Variants in AGBL4 observed in about 807,000 individuals in gnomAD.
The protein encoded by AGBL4 is cytosolic carboxypeptidase 6.
AGBL4 carries 58 observed loss-of-function variants against 66.4 expected under a neutral mutation model. The ratio of observed to expected loss-of-function variants is 0.87; its 90% CI spans 0.71 to 1.09. AGBL4 has a LOEUF of 1.09. Among genes scored for constraint, AGBL4 ranks in the 50% least tolerant of loss-of-function variants. AGBL4 has a pLI of 0.00. For synonymous variants in AGBL4, 234 were observed against 222.9 expected (o/e 1.05, Z -0.44); for missense variants, 579 against 631.0 (o/e 0.92, Z 0.88).
chr1:48,845,745 G>T (rs934311137), intron 6 of AGBL4, among the ~76,000 whole-genome samples: 1 of 152,104 alleles, frequency 6.6e-6, no homozygotes, highest in African/African-American at 2.4e-5. Flanking sequence ...TTCTGGAGCC[G>T]AACTGCCTGG....
At chr1:48,860,650 A>G (rs1031507667) in intron 6 of AGBL4, among the ~76,000 whole-genome samples, 1 of 152,224 alleles carries the variant, frequency 6.6e-6, no homozygotes, top group Non-Finnish European at 1.5e-5. Context: ...TGAGGAATAT[A>G]GACTCAGGAA....
chr1:49,073,495 A>C (rs1644650886), intron 4 of AGBL4, among the ~76,000 whole-genome samples: 1 of 152,030 alleles, frequency 6.6e-6, no homozygotes, highest in Non-Finnish European at 1.5e-5. Context: ...TTTCCTTCTA[A>C]CAGTCAGGCT....
intron 5 of AGBL4, among the ~76,000 whole-genome samples, chr1:48,929,894 T>C (rs991376159): frequency 6.6e-6 from 1 of 152,202 alleles, no homozygotes; most frequent in Non-Finnish European, 1.5e-5. Context: ...TTTATTATTG[T>C]AGATCACTTC....
At chr1:49,039,641 G>A (rs924035616) in intron 5 of AGBL4, among the ~76,000 whole-genome samples, 5 of 152,032 alleles carry the variant, frequency 3.3e-5, no homozygotes, top group African/African-American at 1.2e-4. Flanking sequence ...GTTATCATGT[G>A]CAAATAAATG....
intron 2 of AGBL4, among the ~76,000 whole-genome samples, chr1:49,833,800 T>C (rs1348008664): frequency 6.6e-6 from 1 of 152,164 alleles, no homozygotes; most frequent in Non-Finnish European, 1.5e-5. Context: ...TGTTTGTCTG[T>C]TATTGGTGTA....
At chr1:49,265,457 T>C (rs1408165117) in intron 3 of AGBL4, among the ~76,000 whole-genome samples, 1 of 152,192 alleles carries the variant, frequency 6.6e-6, no homozygotes, top group Non-Finnish European at 1.5e-5. Context: ...TAGATCTCTA[T>C]TTGTTCAACC....
intron 4 of AGBL4, among the ~76,000 whole-genome samples, chr1:49,122,905 G>C (rs111319710): frequency 6.6e-6 from 1 of 152,156 alleles, no homozygotes; most frequent in African/African-American, 2.4e-5. Flanking sequence ...CCAGGGTGGA[G>C]TGCAGTGGTG....
At chr1:49,995,449 G>T in intron 1 of AGBL4, 1 of 370,938 alleles carries the variant, frequency 2.7e-6, no homozygotes, top group East Asian at 7.3e-5. Context: ...CAACTCCACT[G>T]GGCTGAGAAC....
At chr1:48,603,243 AG>A (rs1271206675) in intron 9 of AGBL4, among the ~76,000 whole-genome samples, 18 of 152,264 alleles carry the variant, frequency 1.2e-4, no homozygotes, top group African/African-American at 4.3e-4. Context: ...AAGCTGAGGC[AG>A]GTGGATCATG....
chr1:49,418,197 A>G (rs1645469549), intron 3 of AGBL4, among the ~76,000 whole-genome samples: 1 of 152,140 alleles, frequency 6.6e-6, no homozygotes, highest in Non-Finnish European at 1.5e-5. Flanking sequence ...AAATCTGTCA[A>G]TATCAGGGAC....
chr1:49,493,823 T>C (rs906993743), intron 3 of AGBL4, among the ~76,000 whole-genome samples: 3 of 152,056 alleles, frequency 2.0e-5, no homozygotes, highest in African/African-American at 4.8e-5. Context: ...AATTGTTCTC[T>C]CTAGTAAGTA....
At chr1:48,539,807 T>C in intron 11 of AGBL4, 69 bp from the exon 12 acceptor site, 1 of 1,032,640 alleles carries the variant, frequency 9.7e-7, no homozygotes. Context: ...GAACTACTAA[T>C]AAAAATAATA....
At chr1:48,716,500 C>A (rs1182795044) in intron 6 of AGBL4, among the ~76,000 whole-genome samples, 3 of 152,154 alleles carry the variant, frequency 2.0e-5, no homozygotes, top group African/African-American at 7.2e-5. Flanking sequence ...TGCCCCTGCC[C>A]CCATCCATCC....
intron 4 of AGBL4, among the ~76,000 whole-genome samples, chr1:49,109,533 C>T (rs898335737): frequency 6.6e-6 from 1 of 152,138 alleles, no homozygotes; most frequent in African/African-American, 2.4e-5. Context: ...TAATACTGCC[C>T]ACCTCACAGA....
chr1:49,863,415 A>C (rs1435922154), intron 1 of AGBL4, among the ~76,000 whole-genome samples: 1 of 152,228 alleles, frequency 6.6e-6, no homozygotes, highest in Non-Finnish European at 1.5e-5. Context: ...AGACAACCAA[A>C]GCAACAATGA....
At chr1:49,944,961 G>T (rs1655081020) in intron 1 of AGBL4, among the ~76,000 whole-genome samples, 1 of 151,810 alleles carries the variant, frequency 6.6e-6, no homozygotes, top group Non-Finnish European at 1.5e-5. Context: ...GCAGAAGAAA[G>T]AACTTCAGAG....
At chr1:49,604,608 G>A (rs116322881) in intron 3 of AGBL4, among the ~76,000 whole-genome samples, 1 of 151,814 alleles carries the variant, frequency 6.6e-6, no homozygotes, top group African/African-American at 2.4e-5. Flanking sequence ...TGTTTTTGTC[G>A]CATTTGCTTT....
At chr1:49,562,752 A>G (rs1321495404) in intron 3 of AGBL4, among the ~76,000 whole-genome samples, 1 of 152,136 alleles carries the variant, frequency 6.6e-6, no homozygotes. Flanking sequence ...TGATGCCTCC[A>G]GCTTTGTTCT....
In AGBL4 at chr1:49,880,660, A is replaced by C. The variant is rs1352285132; in HGVS notation, c.35-29142T>G. Among the ~76,000 whole-genome samples, 5 of 152,258 alleles carry C rather than the reference A, an allele frequency of 3.3e-5. No individual in the cohort carries two copies. The South Asian group carries it at 1.0e-3, about 32-fold the overall frequency. ...GAGGTGGAGCCTACAGAGGCAGGCA[A>C]GCCTCCTTGACCTGTGGTGGGCTCC... On this transcript the variant is annotated intron_variant, in intron 1 of 13. Coordinates refer to ENST00000371839, the MANE Select transcript of AGBL4 (RefSeq NM_032785.4).
Sources: allele counts gnomAD v4.1 joint callset (sites outside exome capture counted in the v4.1 genomes callset), GRCh38; gene constraint gnomAD v4.1.1; transcripts MANE v1.5; gene names NCBI Gene and HGNC (gene_info 2026-07-23, HGNC 2026-07-21).